Variants in MMS22L observed in about 807,000 individuals in gnomAD.
MMS22L encodes protein MMS22-like.
MMS22L carries 74 observed loss-of-function variants against 159.1 expected under a neutral mutation model. The observed-to-expected ratio is 0.47, with a 90% CI of 0.39 to 0.56. The LOEUF is 0.56. Ranked by LOEUF, MMS22L falls within the 20% of genes least tolerant of loss-of-function variation. The pLI is 0.00. For synonymous variants in MMS22L, 517 were observed against 506.9 expected (o/e 1.02, Z -0.27); for missense variants, 1,351 against 1,422.1 (o/e 0.95, Z 0.80).
At chr6:97,264,667 A>T (rs1215285296) in intron 8 of MMS22L, 1 of 152,140 alleles carries the variant, frequency 6.6e-6, no homozygotes, top group African/African-American at 2.4e-5. Context: ...ATCACCAAAA[A>T]TTATTTGAAT....
chr6:97,171,954 G>A (rs1803590030), intron 19 of MMS22L, among the ~76,000 whole-genome samples: 2 of 152,078 alleles, frequency 1.3e-5, no homozygotes, highest in African/African-American at 4.8e-5. Flanking sequence ...CCTAGTCTTT[G>A]AAACCTAGAC....
At chr6:97,189,264 A>T (rs1461256408) in intron 14 of MMS22L, among the ~76,000 whole-genome samples, 1 of 30,330 alleles carries the variant, frequency 3.3e-5, no homozygotes, top group Admixed American at 2.5e-4. Flanking sequence ...CATTAGGTTT[A>T]AAAAAAAAAA....
At chr6:97,202,998 A>C (rs1488366005) in intron 14 of MMS22L, among the ~76,000 whole-genome samples, 1 of 152,216 alleles carries the variant, frequency 6.6e-6, no homozygotes, top group Admixed American at 6.5e-5. Context: ...ATCAAAAAAA[A>C]TAATTGCTTT....
intron 11 of MMS22L, chr6:97,245,948 T>C (rs887262828): frequency 1.2e-5 from 3 of 255,708 alleles, no homozygotes; most frequent in African/African-American, 6.8e-5. Flanking sequence ...TTAAATAATC[T>C]TTATTTCTTA....
intron 15 of MMS22L, among the ~76,000 whole-genome samples, chr6:97,185,863 A>G (rs1183162842): frequency 1.3e-5 from 2 of 152,140 alleles, no homozygotes; most frequent in Non-Finnish European, 2.9e-5. Flanking sequence ...ACTTCTTAAC[A>G]TATTTTGAGC....
At position 97,273,031 on chromosome 6, in the gene MMS22L, G is replaced by T; in HGVS notation, c.372C>A (p.Asp124Glu). Reference sequence around the variant, plus strand: ...ATAGTACACACTGCTGCCTAATATTGTCTGCTTTGCAGTGTAGAGTTGATA... The same window carrying T: ...ATAGTACACACTGCTGCCTAATATTTTCTGCTTTGCAGTGTAGAGTTGATA... ...GKVSTLHCKA[D>E]NIRQQCVLFL... Residue 124 changes from aspartate (D) to glutamate (E), a missense_variant, in exon 5 of 25, where the codon GAC (aspartate) becomes GAA (glutamate). By Grantham distance (45) the Asp-to-Glu change is conservative. Transcript: ENST00000683635. The T allele has an allele frequency of 6.2e-7, 1 of 1,612,544 alleles. No homozygotes were observed. Among genetic ancestry groups the T allele is most frequent in the South Asian group, 1.1e-5 (1 of 90,658 alleles).
chr6:97,176,329 T>C (rs1804109465), intron 18 of MMS22L, among the ~76,000 whole-genome samples: 1 of 152,034 alleles, frequency 6.6e-6, no homozygotes, highest in South Asian at 2.1e-4. Context: ...CTTCTCAATA[T>C]TGCTCTATGC....
chr6:97,229,145 T>C lies in MMS22L; in HGVS notation c.1788A>G (p.Ser596=), dbSNP rs578157602. ...CCTTTGCTTTCTCCCGGAAAGCACA[T>C]GAAAATTTCTCAGCCAAAACACCAA... ...LDIGVLAEKF[S]CAFREKAKEF... Residue 596 remains serine, a synonymous_variant, in exon 14 of 25, where the codon TCA becomes TCG. Coordinates refer to ENST00000683635, the MANE Select transcript of MMS22L (RefSeq NM_001350599.2). 82 of 1,614,134 alleles carry C rather than the reference T, an allele frequency of 5.1e-5. No homozygotes were observed. The East Asian group carries it at 1.6e-3, about 32-fold the overall frequency.
chr6:97,282,198 C>A, intron 2 of MMS22L, 116 bp downstream of exon 2: 1 of 1,002,940 alleles, frequency 1.0e-6, no homozygotes, highest in Non-Finnish European at 1.5e-6. Flanking sequence ...ATATACTAAG[C>A]TGATTTATAA....
chr6:97,160,813 T>C (rs1020008924), intron 22 of MMS22L, among the ~76,000 whole-genome samples: 4 of 152,012 alleles, frequency 2.6e-5, no homozygotes, highest in Non-Finnish European at 5.9e-5. Flanking sequence ...GTGCTTTAGA[T>C]TGTATGATCT....
At chr6:97,278,425 A>T (rs1169465927) in intron 4 of MMS22L, among the ~76,000 whole-genome samples, 1 of 151,910 alleles carries the variant, frequency 6.6e-6, no homozygotes, top group African/African-American at 2.4e-5. Context: ...AGCAAAAAAA[A>T]ACCAACTATA....
intron 13 of MMS22L, chr6:97,231,207 C>G (rs997207008): frequency 5.2e-5 from 25 of 483,532 alleles, no homozygotes; most frequent in Non-Finnish European, 8.9e-5. Flanking sequence ...CCGCTGGGCT[C>G]AAAGAACACA....
chr6:97,196,417 TA>T (rs1806513926), intron 14 of MMS22L, among the ~76,000 whole-genome samples: 1 of 152,220 alleles, frequency 6.6e-6, no homozygotes, highest in Admixed American at 6.5e-5. Context: ...GTGGTATTAC[TA>T]GTAGACGGTA....
intron 21 of MMS22L, among the ~76,000 whole-genome samples, chr6:97,164,162 G>T (rs938782311): frequency 6.6e-6 from 1 of 151,668 alleles, no homozygotes; most frequent in Non-Finnish European, 1.5e-5. Context: ...AGGAAAAGGA[G>T]GACAGGATTG....
intron 14 of MMS22L, among the ~76,000 whole-genome samples, chr6:97,200,878 CAA>C (rs896955055): frequency 1.3e-5 from 2 of 152,002 alleles, no homozygotes; most frequent in Non-Finnish European, 2.9e-5. Context: ...TCAAATAAGA[CAA>C]AGTTTCATAA....
At chr6:97,243,106 T>C (rs1431528956) in intron 11 of MMS22L, among the ~76,000 whole-genome samples, 1 of 152,180 alleles carries the variant, frequency 6.6e-6, no homozygotes, top group Non-Finnish European at 1.5e-5. Flanking sequence ...GCTTCTTGTA[T>C]TTGGATGTCT....
intron 14 of MMS22L, among the ~76,000 whole-genome samples, chr6:97,208,674 T>C (rs933669560): frequency 3.3e-5 from 5 of 152,050 alleles, no homozygotes; most frequent in Non-Finnish European, 7.4e-5. Context: ...GGTAAGGTCT[T>C]TCTGTCAAGG....
intron 24 of MMS22L, among the ~76,000 whole-genome samples, chr6:97,148,861 AC>A (rs1263119048): frequency 6.6e-6 from 1 of 152,128 alleles, no homozygotes; most frequent in Non-Finnish European, 1.5e-5. Context: ...TCACTCGCCG[AC>A]CCACCCAGAG....
chr6:97,213,983 C>T (rs1365025489), intron 14 of MMS22L, among the ~76,000 whole-genome samples: 1 of 152,056 alleles, frequency 6.6e-6, no homozygotes, highest in Non-Finnish European at 1.5e-5. Context: ...TAAGGTTTTT[C>T]AACTAGTTAA....
Sources: allele counts gnomAD v4.1 joint callset (sites outside exome capture counted in the v4.1 genomes callset), GRCh38; gene constraint gnomAD v4.1.1; transcripts MANE v1.5; gene names NCBI Gene and HGNC (gene_info 2026-07-23, HGNC 2026-07-21).